The following ABHD16A variants were observed in gnomAD, a reference collection of about 807,000 sequenced individuals.
ABHD16A encodes the protein abhydrolase domain containing 16A, phospholipase.
In ABHD16A, 47 loss-of-function variants were observed where a neutral mutation model predicts 89.8. The observed-to-expected ratio is 0.52, with a 90% confidence interval of 0.41 to 0.67. The LOEUF is 0.67. Among genes scored for constraint, ABHD16A ranks in the 30% least tolerant of loss-of-function variants. The pLI is 0.00. For missense variants in ABHD16A, 580 were observed against 734.6 expected, an observed-to-expected ratio of 0.79 and a Z score of 2.43; for synonymous variants, 251 against 280.4, an observed-to-expected ratio of 0.90 and a Z score of 1.05.
intron 7 of ABHD16A, chr6:31,692,622 G>C (rs1803995417): frequency 4.5e-6 from 1 of 224,696 alleles, no homozygotes; most frequent in East Asian, 1.2e-4. Context: ...GTTCATCACA[G>C]GTGCAGACAC....
chr6:31,694,212 T>C (rs186809685), intron 5 of ABHD16A, among the ~76,000 whole-genome samples: 1 of 151,944 alleles, frequency 6.6e-6, no homozygotes, highest in East Asian at 1.9e-4. Flanking sequence ...TGTGCTACCA[T>C]GCCCAGCTAA....
At chr6:31,701,729 T>C (rs1805026825) in intron 2 of ABHD16A, among the ~76,000 whole-genome samples, 1 of 152,186 alleles carries the variant, frequency 6.6e-6, no homozygotes, top group African/African-American at 2.4e-5. Context: ...CCACAGGAAC[T>C]GTGCCAGAAA....
Position 31,690,416 on chromosome 6 carries a change from A to G in ABHD16A, c.907+123T>C. On this transcript the variant is annotated intron_variant, in intron 10 of 19. Coordinates refer to ENST00000395952, the MANE Select transcript of ABHD16A (RefSeq NM_021160.3). This position sits in a 1 kb window ranked among gnomAD's most constrained non-coding sequence, Gnocchi z 4.1. Reference sequence around the variant, plus strand: ...GCAAATGGCGAGTGGACTTTTCCCTAAAGCTGAGAGACTCAAAACCTCACC... The same window carrying G: ...GCAAATGGCGAGTGGACTTTTCCCTGAAGCTGAGAGACTCAAAACCTCACC... 1 of 1,106,438 alleles carries G rather than the reference A, an allele frequency of 9.0e-7. No homozygotes were observed. Among genetic ancestry groups the G allele is most frequent in the Admixed American group, 1.9e-5 (1 of 53,438 alleles). 68.5% of individuals were successfully genotyped at this position (1,106,438 alleles called of 1,614,324 possible).
intron 2 of ABHD16A, 113 bp downstream of exon 2, chr6:31,701,961 C>T: frequency 8.4e-7 from 1 of 1,189,762 alleles, no homozygotes. Flanking sequence ...GCTGCAGAGC[C>T]CAGGGCATCC....
Position 31,690,348 on chromosome 6 carries a change from TAG to T in ABHD16A, c.907+189_907+190del, listed in dbSNP as rs1803750464. On this transcript the variant is annotated intron_variant, in intron 10 of 19. Coordinates refer to ENST00000395952, the MANE Select transcript of ABHD16A (RefSeq NM_021160.3). This position sits in a 1 kb window ranked among gnomAD's most constrained non-coding sequence, Gnocchi z 4.1. ...GAATGGAACAGAATGAAAAGCATAATAGCTAGGGACACAGGCCAGGGGAGGGA... is the reference window on the plus strand; with the variant it reads ...GAATGGAACAGAATGAAAAGCATAATCTAGGGACACAGGCCAGGGGAGGGA... The T allele has an allele frequency of 1.4e-6, 1 of 693,030 alleles. No homozygotes were observed. Among genetic ancestry groups the T allele is most frequent in the East Asian group, 2.7e-5 (1 of 36,960 alleles). The allele number at this position is 693,030 out of a possible 1,614,324, so 42.9% of individuals were successfully genotyped here. A position where few individuals can be genotyped will look rare whatever the true frequency, so the allele number is the denominator to read the frequency against.
chr6:31,689,266 A>G (rs1449888005), intron 12 of ABHD16A, 147 bp from the exon 13 acceptor site: 1 of 810,032 alleles, frequency 1.2e-6, no homozygotes, highest in African/African-American at 1.7e-5. Flanking sequence ...TCACTTGGTT[A>G]GGGAACTATC....
At chr6:31,692,168 G>T in intron 7 of ABHD16A, 1 of 427,750 alleles carries the variant, frequency 2.3e-6, no homozygotes, top group East Asian at 3.4e-5. Flanking sequence ...TGTATGTACA[G>T]AATTCTGAGA....
intron 1 of ABHD16A, among the ~76,000 whole-genome samples, chr6:31,702,433 A>T (rs1805106924): frequency 6.6e-6 from 1 of 152,182 alleles, no homozygotes; most frequent in South Asian, 2.1e-4. Flanking sequence ...GCATGTGGGG[A>T]GAAGGGTTAG....
Position 31,698,090 on chromosome 6 carries a change from A to T in ABHD16A, c.344-1057T>A, listed in dbSNP as rs2151248439. Among the ~76,000 whole-genome samples, 1 of 152,334 alleles carries T rather than the reference A, an allele frequency of 6.6e-6. No homozygotes were observed. Among genetic ancestry groups the T allele is most frequent in the East Asian group, 1.9e-4 (1 of 5,188 alleles). Reference sequence around the variant, plus strand: ...ACAACATTTATGCCAAAAATGTAAAATGTGCAAAATAATACATACTGCTTA... The same window carrying T: ...ACAACATTTATGCCAAAAATGTAAATTGTGCAAAATAATACATACTGCTTA... On this transcript the variant is annotated intron_variant, in intron 4 of 19. Transcript: ENST00000395952. The surrounding 1 kb of genome is among the most constrained non-coding windows in gnomAD (Gnocchi z 4.1).
chr6:31,702,941 G>A (rs1227344050), intron 1 of ABHD16A: 10 of 1,295,926 alleles, frequency 7.7e-6, no homozygotes, highest in Non-Finnish European at 8.8e-6. Context: ...CAGTCGGAAT[G>A]AGAAAGCGGT....
rs1490869595 is a variant in ABHD16A at position 31,698,926 on chromosome 6, CTTTA to C, written c.344-1897_344-1894del. On this transcript the variant is annotated intron_variant, in intron 4 of 19. Coordinates refer to ENST00000395952, the MANE Select transcript of ABHD16A (RefSeq NM_021160.3). The surrounding 1 kb of genome is among the most constrained non-coding windows in gnomAD (Gnocchi z 4.1). ...CCACTAGGGGTAGGTGATCTGTCCTCTTTATTTTTTTAAATTGCGAGATACAACA... is the reference window on the plus strand; with the variant it reads ...CCACTAGGGGTAGGTGATCTGTCCTCTTTTTTTAAATTGCGAGATACAACA... 9.2e-5 allele frequency among the ~76,000 whole-genome samples: 14 copies of C among 152,270 alleles called. No homozygotes were observed. The South Asian group carries it at 2.9e-3, about 32-fold the overall frequency.
Position 31,703,313 on chromosome 6 carries a change from G to A in ABHD16A, c.-32C>T. The A allele has an allele frequency of 1.5e-6, 2 of 1,340,040 alleles. No individual in the cohort carries two copies. Among genetic ancestry groups the A allele is most frequent in the Non-Finnish European group, 1.9e-6 (2 of 1,034,070 alleles). The allele number at this position is 1,340,040 out of a possible 1,614,324, so 83.0% of individuals were successfully genotyped here. A position where few individuals can be genotyped will look rare whatever the true frequency, so the allele number is the denominator to read the frequency against. On this transcript the variant is annotated 5_prime_UTR_variant, in exon 1 of 20. Coordinates refer to ENST00000395952, the MANE Select transcript of ABHD16A (RefSeq NM_021160.3). ...GGCTCGGGCCGCTGCTCTTCCAGCA[G>A]CAGGTCCCCCTGCCGGCCCCGCCCT...
chr6:31,691,052 A>T (rs552319270), intron 9 of ABHD16A, among the ~76,000 whole-genome samples: 5 of 152,022 alleles, frequency 3.3e-5, no homozygotes, highest in Non-Finnish European at 7.4e-5. Flanking sequence ...ATTTGCATGA[A>T]CTCTCATAAC....
intron 1 of ABHD16A, chr6:31,702,873 G>A (rs763259401): frequency 6.1e-5 from 83 of 1,352,310 alleles, no homozygotes; most frequent in Non-Finnish European, 7.4e-5. Flanking sequence ...AACTGGGACC[G>A]GCACGAACCA....
chr6:31,702,918 G>A, intron 1 of ABHD16A: 1 of 1,299,460 alleles, frequency 7.7e-7, no homozygotes, highest in Non-Finnish European at 9.8e-7. Flanking sequence ...GGAGAGGAAA[G>A]AACAAAGAGT....
intron 7 of ABHD16A, 43 bp downstream of exon 7, chr6:31,692,984 G>A (rs773882589): frequency 1.2e-5 from 20 of 1,613,960 alleles, no homozygotes; most frequent in Non-Finnish European, 1.6e-5. Context: ...TCCTGAAATG[G>A]CCCCTCCACC....
At chr6:31,703,127 C>A in intron 1 of ABHD16A, 23 bp downstream of exon 1, 2 of 1,410,734 alleles carry the variant, frequency 1.4e-6, no homozygotes, top group Non-Finnish European at 1.9e-6. Flanking sequence ...CCACGTTCTT[C>A]GGTGGGGAGG....
At chr6:31,701,941 G>T in intron 2 of ABHD16A, 133 bp downstream of exon 2, 1 of 889,858 alleles carries the variant, frequency 1.1e-6, no homozygotes, top group Non-Finnish European at 1.8e-6. Flanking sequence ...TGTCTGTGTT[G>T]GAGAGGTCTG....
Position 31,688,244 on chromosome 6 carries a change from C to G in ABHD16A, c.1307+5G>C. ...TCCTGAGGGCCGAGATTCCCACGCA[C>G]TCACGTGGTGGTGATGATCTCATCC... On this transcript the variant is annotated splice_donor_5th_base_variant and intron_variant, in intron 15 of 19. Coordinates refer to ENST00000395952, the MANE Select transcript of ABHD16A (RefSeq NM_021160.3). This position sits in a 1 kb window ranked among gnomAD's most constrained non-coding sequence, Gnocchi z 4.9. 1 of 1,614,024 alleles carries G rather than the reference C, an allele frequency of 6.2e-7. No individual in the cohort carries two copies. The highest frequency in any genetic ancestry group is 8.5e-7 in the Non-Finnish European group (1 of 1,179,894).
Sources: gnomAD v4.1 joint callset for allele counts (sites outside exome capture counted in the v4.1 genomes callset) on GRCh38, gnomAD v4.1.1 for gene constraint, Gnocchi (gnomAD v3.1) non-coding constraint, MANE v1.5 for transcripts, NCBI Gene and HGNC (gene_info 2026-07-23, HGNC 2026-07-21) for gene names.